The following PLCB4 variants were observed in gnomAD, a reference collection of about 807,000 sequenced individuals.
The protein encoded by PLCB4 is phospholipase C beta 4, also known as 1-phosphatidylinositol 4,5-bisphosphate phosphodiesterase beta-4.
A neutral mutation model predicts 178.8 loss-of-function variants in PLCB4; 77 were observed. The ratio of observed to expected loss-of-function variants is 0.43; its 90% confidence interval spans 0.36 to 0.52. The LOEUF is 0.52. Ranked by LOEUF, PLCB4 falls within the 20% of genes least tolerant of loss-of-function variation. The probability of loss-of-function intolerance (pLI) is 0.00; values close to 1 mark genes in which losing one functional copy is unlikely to be tolerated. For missense variants in PLCB4, 1,024 were observed against 1,453.4 expected, an observed-to-expected ratio of 0.70 and a Z score of 4.80; for synonymous variants, 496 against 490.8, an observed-to-expected ratio of 1.01 and a Z score of -0.14.
chr20:9,469,169 T>C (rs906740507), intron 36 of PLCB4, among the ~76,000 whole-genome samples: 3 of 152,070 alleles, frequency 2.0e-5, no homozygotes, highest in Non-Finnish European at 4.4e-5. Context: ...TTAGGAGAGA[T>C]GGGGTTTCAC....
rs114401894 is a variant in PLCB4 at position 9,368,900 on chromosome 20, T to C, written c.504-2314T>C. On this transcript the variant is annotated intron_variant, in intron 9 of 39. Coordinates refer to ENST00000378473, the MANE Select transcript of PLCB4 (RefSeq NM_001377142.1). ...TTTAGTTTGATTCAACAAAAACTCA[T>C]TGAGTACCAGTTAGCTATGAGGCAC... 3.5e-3 allele frequency among the ~76,000 whole-genome samples: 535 copies of C among 152,284 alleles called. 3 individuals are homozygous for C. The highest frequency in any genetic ancestry group is 0.012 in the African/African-American group (505 of 41,540).
At chr20:9,178,754 A>G (rs1410622811) in intron 2 of PLCB4, among the ~76,000 whole-genome samples, 1 of 152,048 alleles carries the variant, frequency 6.6e-6, no homozygotes, top group Non-Finnish European at 1.5e-5. Context: ...AATTATGTAT[A>G]TATTTTGTTG....
intron 18 of PLCB4, among the ~76,000 whole-genome samples, chr20:9,395,302 ATG>A (rs2038483374): frequency 6.6e-6 from 1 of 152,148 alleles, no homozygotes; most frequent in Admixed American, 6.5e-5. Flanking sequence ...ATTCTTCATC[ATG>A]TGTATATAAG....
rs551062104 is a variant in PLCB4 at position 9,237,135 on chromosome 20, TTTTA to T, written c.-16+19690_-16+19693del. Among the ~76,000 whole-genome samples, 23 of 152,256 alleles carry T rather than the reference TTTTA, an allele frequency of 1.5e-4. No individual in the cohort carries two copies. In the East Asian group the frequency reaches 3.1e-3, roughly 20 times the overall value. On this transcript the variant is annotated intron_variant, in intron 3 of 39. Transcript: ENST00000378473. ...TATTTTTCCTCACTTTTCTTTACTG[TTTTA>T]TTTATTGTGGTATAATTCACATGTG... is the stretch of plus-strand genomic sequence containing the variant.
intron 1 of PLCB4, among the ~76,000 whole-genome samples, chr20:9,075,224 C>G (rs908838926): frequency 6.6e-6 from 1 of 152,030 alleles, no homozygotes; most frequent in Non-Finnish European, 1.5e-5. Context: ...TTCTAACCAC[C>G]GTACTGTGTA....
intron 3 of PLCB4, among the ~76,000 whole-genome samples, chr20:9,289,034 A>T (rs2094558599): frequency 6.6e-6 from 1 of 152,104 alleles, no homozygotes; most frequent in South Asian, 2.1e-4. Flanking sequence ...TAGTGACAGT[A>T]GATATTTTAT....
intron 32 of PLCB4, among the ~76,000 whole-genome samples, chr20:9,448,607 A>C (rs1380124124): frequency 6.8e-6 from 1 of 146,498 alleles, no homozygotes; most frequent in East Asian, 2.1e-4. Context: ...AAAACATGAG[A>C]TTTATGCACA....
chr20:9,174,922 T>G, intron 2 of PLCB4, among the ~76,000 whole-genome samples: 1 of 152,240 alleles, frequency 6.6e-6, no homozygotes, highest in East Asian at 1.9e-4. Flanking sequence ...TTTGTCCGTC[T>G]TTGTTTCTAA....
chr20:9,301,815 A>G (rs1228200631), intron 3 of PLCB4, among the ~76,000 whole-genome samples: 2 of 152,136 alleles, frequency 1.3e-5, no homozygotes, highest in Non-Finnish European at 2.9e-5. Context: ...AGTTTCTTGC[A>G]GTCCAGGGAG....
At chr20:9,124,169 T>C (rs1040576103) in intron 2 of PLCB4, among the ~76,000 whole-genome samples, 1 of 152,160 alleles carries the variant, frequency 6.6e-6, no homozygotes, top group Non-Finnish European at 1.5e-5. Context: ...GGCTATAGTT[T>C]GCCAACCTCT....
intron 3 of PLCB4, among the ~76,000 whole-genome samples, chr20:9,242,181 C>T (rs1255324230): frequency 6.6e-6 from 1 of 152,158 alleles, no homozygotes; most frequent in Admixed American, 6.6e-5. Context: ...AGGACAAAGG[C>T]CAAGCATACA....
At chr20:9,410,487 G>A (rs2039779826) in intron 24 of PLCB4, among the ~76,000 whole-genome samples, 1 of 152,208 alleles carries the variant, frequency 6.6e-6, no homozygotes, top group Non-Finnish European at 1.5e-5. Flanking sequence ...TTCTTTTGCG[G>A]ATGGGAAGAA....
At chr20:9,084,150 A>G (rs2090291961) in intron 1 of PLCB4, among the ~76,000 whole-genome samples, 1 of 152,218 alleles carries the variant, frequency 6.6e-6, no homozygotes, top group Non-Finnish European at 1.5e-5. Context: ...CTGAGCTTTC[A>G]TAAGAGTTAA....
At chr20:9,108,347 G>A (rs1314093165) in intron 2 of PLCB4, among the ~76,000 whole-genome samples, 3 of 152,044 alleles carry the variant, frequency 2.0e-5, no homozygotes, top group Non-Finnish European at 4.4e-5. Flanking sequence ...AGATAGGGAA[G>A]AATCAGTGTT....
intron 4 of PLCB4, among the ~76,000 whole-genome samples, chr20:9,316,613 C>T (rs1200339860): frequency 1.3e-5 from 2 of 152,062 alleles, no homozygotes; most frequent in African/African-American, 4.8e-5. Flanking sequence ...GTGGATGGGT[C>T]GAAGAATATC....
intron 3 of PLCB4, among the ~76,000 whole-genome samples, chr20:9,277,176 T>A (rs1396473920): frequency 6.6e-6 from 1 of 151,970 alleles, no homozygotes. Context: ...GTATAACCAC[T>A]GGAGTAAAAT....
intron 30 of PLCB4, among the ~76,000 whole-genome samples, chr20:9,439,872 C>A (rs1490481844): frequency 6.6e-6 from 1 of 152,200 alleles, no homozygotes; most frequent in Admixed American, 6.5e-5. Context: ...TGATGTGTAA[C>A]AAGCAATCAC....
intron 1 of PLCB4, among the ~76,000 whole-genome samples, chr20:9,081,951 G>T (rs6056392): frequency 0.62 from 94,185 of 150,890 alleles, 29,505 homozygotes; most frequent in South Asian, 0.72. Flanking sequence ...TCCTGATATT[G>T]TAATCAGTAT....
chr20:9,172,652 A>G (rs1231377050), intron 2 of PLCB4, among the ~76,000 whole-genome samples: 1 of 152,120 alleles, frequency 6.6e-6, no homozygotes, highest in Non-Finnish European at 1.5e-5. Context: ...GTTTTGGAAA[A>G]CTGTCATTTA....
Sources: gnomAD v4.1 joint callset for allele counts (sites outside exome capture counted in the v4.1 genomes callset) on GRCh38, gnomAD v4.1.1 for gene constraint, MANE v1.5 for transcripts, NCBI Gene and HGNC (gene_info 2026-07-23, HGNC 2026-07-21) for gene names.